FGF14: variants seen among roughly 807,000 people sequenced by gnomAD.
The protein encoded by FGF14 is fibroblast growth factor 14, also known as fibroblast growth factor homologous factor 4.
In FGF14, 5 loss-of-function variants were observed where a neutral mutation model predicts 25.5. That is an observed-to-expected ratio of 0.20 (90% CI 0.10 to 0.41). The LOEUF is 0.41. FGF14 is among the 10% of genes least tolerant of loss of function. The pLI is 1.00. For synonymous variants in FGF14, 138 were observed against 118.3 expected, an observed-to-expected ratio of 1.17 and a Z score of -1.08; for missense variants, 222 against 320.1, an observed-to-expected ratio of 0.69 and a Z score of 2.34.
At position 102,361,276 on chromosome 13, in the gene FGF14, G is replaced by A. The variant is rs547978582; in HGVS notation, c.208+40195C>T. Among the ~76,000 whole-genome samples the A allele has an allele frequency of 3.3e-5, 5 of 152,274 alleles. No homozygotes were observed. The East Asian group carries it at 9.7e-4, about 29-fold the overall frequency. ...CTGGACTTGTCTGTGGTCCAGGAGA[G>A]GAGGTGAGCCAAGAACAGGCAGAAT... On this transcript the variant is annotated intron_variant, in intron 1 of 4. Transcript: ENST00000376131.
At chr13:101,969,953 T>C (rs1266405251) in intron 1 of FGF14, among the ~76,000 whole-genome samples, 1 of 152,242 alleles carries the variant, frequency 6.6e-6, no homozygotes, top group Non-Finnish European at 1.5e-5. Context: ...AATTTATGGG[T>C]CAGAACATTT....
intron 1 of FGF14, among the ~76,000 whole-genome samples, chr13:102,063,850 CACTT>C (rs1395436857): frequency 6.6e-6 from 1 of 152,010 alleles, no homozygotes; most frequent in Non-Finnish European, 1.5e-5. Context: ...CTAAAAAAAA[CACTT>C]AATATATTAT....
intron 1 of FGF14, among the ~76,000 whole-genome samples, chr13:101,944,684 C>T (rs926952674): frequency 7.2e-5 from 11 of 152,102 alleles, no homozygotes; most frequent in Non-Finnish European, 1.3e-4. Context: ...TATACACAGG[C>T]AAATCAATAT....
At chr13:102,399,856 C>CTG (rs2058661181) in intron 1 of FGF14, among the ~76,000 whole-genome samples, 1 of 152,160 alleles carries the variant, frequency 6.6e-6, no homozygotes, top group Admixed American at 6.5e-5. Flanking sequence ...CACTGCAGCA[C>CTG]CGAGTCCACG....
chr13:102,178,492 G>A (rs550613941), intron 1 of FGF14, among the ~76,000 whole-genome samples: 66 of 151,982 alleles, frequency 4.3e-4, no homozygotes, highest in African/African-American at 1.3e-3. Context: ...TGTAACCATC[G>A]CCCAAATAGT....
chr13:102,141,040 A>G (rs918779916), intron 1 of FGF14, among the ~76,000 whole-genome samples: 1 of 152,214 alleles, frequency 6.6e-6, no homozygotes, highest in South Asian at 2.1e-4. Context: ...CTCACCACCA[A>G]CATTTGACAG....
intron 4 of FGF14, among the ~76,000 whole-genome samples, chr13:101,726,363 A>G (rs1243767788): frequency 6.6e-6 from 1 of 152,012 alleles, no homozygotes; most frequent in Non-Finnish European, 1.5e-5. Context: ...TGAGGATTTG[A>G]GCCTTTGGAG....
intron 3 of FGF14, among the ~76,000 whole-genome samples, chr13:101,752,465 G>A (rs1022869356): frequency 6.6e-6 from 1 of 152,116 alleles, no homozygotes; most frequent in African/African-American, 2.4e-5. Flanking sequence ...TTAATATTGT[G>A]AATGATGATA....
chr13:102,112,587 C>A (rs1011504636), intron 1 of FGF14, among the ~76,000 whole-genome samples: 2 of 152,078 alleles, frequency 1.3e-5, no homozygotes, highest in African/African-American at 4.8e-5. Context: ...CTTCTGTGCT[C>A]CAGGCATTTG....
chr13:102,150,543 T>C (rs1002297965), intron 1 of FGF14, among the ~76,000 whole-genome samples: 2 of 152,186 alleles, frequency 1.3e-5, no homozygotes, highest in African/African-American at 2.4e-5. Flanking sequence ...TGTCCTATGA[T>C]TCCCGATTCT....
intron 3 of FGF14, among the ~76,000 whole-genome samples, chr13:101,840,301 TC>T (rs1002235936): frequency 6.6e-6 from 1 of 151,826 alleles, no homozygotes; most frequent in Non-Finnish European, 1.5e-5. Flanking sequence ...ATTTGTTATT[TC>T]CCCCCATTTA....
chr13:102,014,719 G>A (rs1001457625), intron 1 of FGF14, among the ~76,000 whole-genome samples: 13 of 152,026 alleles, frequency 8.6e-5, no homozygotes, highest in Admixed American at 6.6e-5. Flanking sequence ...GTATGTAAAT[G>A]ATTATTTCAT....
intron 1 of FGF14, among the ~76,000 whole-genome samples, chr13:102,153,884 T>G (rs2047198129): frequency 6.6e-6 from 1 of 152,174 alleles, no homozygotes; most frequent in South Asian, 2.1e-4. Flanking sequence ...ACCTGGGCAG[T>G]ATATTAAGCA....
intron 1 of FGF14, among the ~76,000 whole-genome samples, chr13:102,156,746 G>A (rs940051537): frequency 2.6e-5 from 4 of 152,126 alleles, no homozygotes; most frequent in African/African-American, 9.7e-5. Context: ...CGACATGATT[G>A]TATATCTAGA....
intron 1 of FGF14, among the ~76,000 whole-genome samples, chr13:102,381,254 A>G (rs895301143): frequency 2.0e-5 from 3 of 152,214 alleles, no homozygotes; most frequent in Admixed American, 6.5e-5. Flanking sequence ...TCCATTATCT[A>G]CAAATAGTCT....
At chr13:101,936,312 G>T (rs1401018015) in intron 1 of FGF14, among the ~76,000 whole-genome samples, 1 of 152,192 alleles carries the variant, frequency 6.6e-6, no homozygotes, top group East Asian at 1.9e-4. Flanking sequence ...GTGATTTACT[G>T]AGAAGCGCTG....
At chr13:102,156,708 AG>A (rs2047358282) in intron 1 of FGF14, among the ~76,000 whole-genome samples, 1 of 152,204 alleles carries the variant, frequency 6.6e-6, no homozygotes, top group Non-Finnish European at 1.5e-5. Flanking sequence ...TTAGGAAAAG[AG>A]GAAGTCAAAT....
upstream of FGF14, among the ~76,000 whole-genome samples, chr13:101,920,207 T>C (rs2033896969): frequency 6.6e-6 from 1 of 152,220 alleles, no homozygotes; most frequent in Admixed American, 6.5e-5. Flanking sequence ...TAAAGGTTAC[T>C]GTAGTTCAGA....
At chr13:101,729,055 C>T (rs2035632574) in intron 3 of FGF14, among the ~76,000 whole-genome samples, 3 of 151,518 alleles carry the variant, frequency 2.0e-5, no homozygotes, top group Admixed American at 2.0e-4. Flanking sequence ...AGGATTCTGA[C>T]ACTATATCTT....
Sources: allele counts gnomAD v4.1 joint callset (sites outside exome capture counted in the v4.1 genomes callset), GRCh38; gene constraint gnomAD v4.1.1; transcripts MANE v1.5; gene names NCBI Gene and HGNC (gene_info 2026-07-23, HGNC 2026-07-21).